FLRT3: variants seen among roughly 807,000 people sequenced by gnomAD.
FLRT3 encodes the protein fibronectin leucine rich transmembrane protein 3, also known as leucine-rich repeat transmembrane protein FLRT3.
A neutral mutation model predicts 42.6 loss-of-function variants in FLRT3; 17 were observed. The observed-to-expected ratio is 0.40, with a 90% CI of 0.27 to 0.60. The LOEUF (loss-of-function observed/expected upper bound fraction) is 0.60. Ranked by LOEUF, FLRT3 falls within the 20% of genes least tolerant of loss-of-function variation. The pLI, the probability that FLRT3 is intolerant of heterozygous loss-of-function variation, is 0.44. For missense variants in FLRT3, 635 were observed against 789.2 expected (o/e 0.80, Z 2.34); for synonymous variants, 279 against 286.4 (o/e 0.97, Z 0.26).
chr20:14,335,740 C>G (rs1319095522), intron 1 of FLRT3, among the ~76,000 whole-genome samples: 1 of 152,088 alleles, frequency 6.6e-6, no homozygotes, highest in Non-Finnish European at 1.5e-5. Flanking sequence ...TAATATTTTG[C>G]TGATCCTTGG....
chr20:14,330,350 A>G (rs2082813481), intron 1 of FLRT3, among the ~76,000 whole-genome samples: 1 of 152,164 alleles, frequency 6.6e-6, no homozygotes, highest in East Asian at 1.9e-4. Context: ...TACTTTGTAT[A>G]TATGTAGGGA....
Position 14,337,530 on chromosome 20 carries a change from G to T in FLRT3, c.-373C>A, listed in dbSNP as rs2082961009. ...GCGTCCAGTCCACACAAAGCCCACGGCAGCTGCAGGCTGAGCTTGTCCTGC... is the reference window on the plus strand; with the variant it reads ...GCGTCCAGTCCACACAAAGCCCACGTCAGCTGCAGGCTGAGCTTGTCCTGC... On this transcript the variant is annotated 5_prime_UTR_variant, in exon 1 of 3. Transcript: ENST00000341420. 7 of 398,538 alleles carry T rather than the reference G, an allele frequency of 1.8e-5. No homozygotes were observed. Among genetic ancestry groups the T allele is most frequent in the Middle Eastern group, 6.2e-4 (1 of 1,610 alleles). The allele number at this position is 398,538 out of a possible 1,614,324, so 24.7% of individuals were successfully genotyped here.
rs1395039576 is a variant in FLRT3 at position 14,326,445 on chromosome 20, A to G, written c.1062T>C (p.Asp354=). The G allele has an allele frequency of 1.2e-6, 2 of 1,613,868 alleles. No individual in the cohort carries two copies. The highest frequency in any genetic ancestry group is 1.7e-6 in the Non-Finnish European group (2 of 1,179,866). ...TGCTTACAATCCCACTGTCCTTACA[A>G]TCAAACAGTTCTGCATTGAGATCCT... ...AIKDLNAELF[D]CKDSGIVSTI... Residue 354 remains aspartate, a synonymous_variant, in exon 3 of 3, where the codon GAT becomes GAC. Transcript: ENST00000341420. This position sits in a 1 kb window ranked among gnomAD's most constrained non-coding sequence, Gnocchi z 5.5.
In FLRT3 at chr20:14,325,793, T is replaced by G. The variant is rs1601480236; in HGVS notation, c.1714A>C (p.Lys572Gln). ...GTGCCAGCTTCTGCATAGTCATCCT[T>G]TCTTCTCCTCCCTTTGCTATATGCA... ...NCAYSKGRRR[K>Q]DDYAEAGTKK... Residue 572 changes from lysine to glutamine, a missense_variant, in exon 3 of 3, where the codon AAG becomes CAG. Coordinates refer to ENST00000341420, the MANE Select transcript of FLRT3 (RefSeq NM_198391.3). The G allele has an allele frequency of 5.0e-6, 8 of 1,613,816 alleles. No individual in the cohort carries two copies. Among genetic ancestry groups the G allele is most frequent in the Non-Finnish European group, 6.8e-6 (8 of 1,179,870 alleles).
At chr20:14,336,579 C>G (rs1171537473) in intron 1 of FLRT3, among the ~76,000 whole-genome samples, 1 of 152,080 alleles carries the variant, frequency 6.6e-6, no homozygotes, top group Non-Finnish European at 1.5e-5. Flanking sequence ...TCTGCAAAAC[C>G]CACTTGATAA....
At chr20:14,337,360 A>C in intron 1 of FLRT3, 44 bp downstream of exon 1, 1 of 333,742 alleles carries the variant, frequency 3.0e-6, no homozygotes, top group Non-Finnish European at 5.4e-6. Flanking sequence ...AAACCAAGCA[A>C]ACTTTCTGGG....
chr20:14,325,049 A>G lies in FLRT3; in HGVS notation c.*508T>C, dbSNP rs2082711891. 6.6e-6 allele frequency: 1 copy of G among 152,622 alleles called. No individual in the cohort carries two copies. Among genetic ancestry groups the G allele is most frequent in the Non-Finnish European group, 1.5e-5 (1 of 68,068 alleles). The allele number at this position is 152,622 out of a possible 1,614,324, so 9.5% of individuals were successfully genotyped here. A position where few individuals can be genotyped will look rare whatever the true frequency, so the allele number is the denominator to read the frequency against. Reference sequence around the variant, plus strand: ...ACCACTGGGATAATACAAATTTAATAATTGGAACATTATTTCATAACCATT... The same window carrying G: ...ACCACTGGGATAATACAAATTTAATGATTGGAACATTATTTCATAACCATT... On this transcript the variant is annotated 3_prime_UTR_variant, in exon 3 of 3. Transcript: ENST00000341420.
chr20:14,336,376 C>A (rs1021782166), intron 1 of FLRT3, among the ~76,000 whole-genome samples: 10 of 151,618 alleles, frequency 6.6e-5, no homozygotes, highest in African/African-American at 2.2e-4. Context: ...TAAAAACAAA[C>A]CCCCCAGATG....
intron 1 of FLRT3, among the ~76,000 whole-genome samples, chr20:14,335,814 C>T (rs1054161227): frequency 1.3e-5 from 2 of 152,046 alleles, no homozygotes; most frequent in African/African-American, 2.4e-5. Flanking sequence ...TAAATCTATG[C>T]GTTTTTGTAA....
chr20:14,331,699 C>T (rs184996106), intron 1 of FLRT3, among the ~76,000 whole-genome samples: 1 of 152,164 alleles, frequency 6.6e-6, no homozygotes, highest in East Asian at 1.9e-4. Context: ...TAGTGCTAAA[C>T]AGATTTTTGG....
intron 2 of FLRT3, among the ~76,000 whole-genome samples, chr20:14,328,090 T>C (rs1478780322): frequency 6.6e-6 from 1 of 152,102 alleles, no homozygotes; most frequent in African/African-American, 2.4e-5. Context: ...CAGGAATAGT[T>C]ACACACATCT....
rs920063516 is a variant in FLRT3 at position 14,324,268 on chromosome 20, C to CA, written c.*1288dup. ...CATACAAGACTGGCCAAAGGGCGTA[C>CA]AATGCACTTTGGTTTTTTGTTGAAA... On this transcript the variant is annotated 3_prime_UTR_variant, in exon 3 of 3. Coordinates refer to ENST00000341420, the MANE Select transcript of FLRT3 (RefSeq NM_198391.3). 49 of 137,580 alleles carry CA rather than the reference C, an allele frequency of 3.6e-4. No individual in the cohort carries two copies. The highest frequency in any genetic ancestry group is 1.1e-3 in the African/African-American group (42 of 36,608). 8.5% of individuals were successfully genotyped at this position (137,580 alleles called of 1,614,324 possible).
intron 1 of FLRT3, among the ~76,000 whole-genome samples, chr20:14,331,908 A>ACTT (rs1277497562): frequency 1.3e-5 from 2 of 152,128 alleles, no homozygotes; most frequent in Non-Finnish European, 2.9e-5. Context: ...CATAACACTG[A>ACTT]CTTCAGAGCC....
chr20:14,333,598 C>T (rs1421364253), intron 1 of FLRT3, among the ~76,000 whole-genome samples: 7 of 152,108 alleles, frequency 4.6e-5, no homozygotes, highest in East Asian at 1.9e-4. Context: ...TGTTAAACCA[C>T]GTTTTACCAT....
intron 1 of FLRT3, among the ~76,000 whole-genome samples, chr20:14,330,717 A>G (rs1227648277): frequency 6.6e-6 from 1 of 152,138 alleles, no homozygotes; most frequent in Admixed American, 6.6e-5. Flanking sequence ...AAGTGCCCAC[A>G]GAGGAAAGTT....
intron 1 of FLRT3, among the ~76,000 whole-genome samples, chr20:14,336,415 C>T (rs1259547488): frequency 6.6e-6 from 1 of 152,064 alleles, no homozygotes; most frequent in Non-Finnish European, 1.5e-5. Context: ...GCCTGTTGCA[C>T]TCTTTACCTA....
chr20:14,328,736 A>T (rs921510064), intron 2 of FLRT3, among the ~76,000 whole-genome samples: 3 of 152,056 alleles, frequency 2.0e-5, no homozygotes, highest in African/African-American at 7.2e-5. Flanking sequence ...ACACCTCCAG[A>T]TCAGGCTTGC....
intron 2 of FLRT3, among the ~76,000 whole-genome samples, chr20:14,328,263 T>A (rs530133798): frequency 6.6e-6 from 1 of 152,142 alleles, no homozygotes; most frequent in Non-Finnish European, 1.5e-5. Flanking sequence ...AGCTAATACA[T>A]CCAGCTAACC....
Position 14,326,573 on chromosome 20 carries a change from T to G in FLRT3, c.934A>C (p.Lys312Gln). ...LRNNPWYCGC[K>Q]MKWVRDWLQS... Reference sequence around the variant, plus strand: ...AACCAGTCACGTACCCATTTCATCTTGCACCCGCAATACCAGGGATTGTTG... The same window carrying G: ...AACCAGTCACGTACCCATTTCATCTGGCACCCGCAATACCAGGGATTGTTG... Residue 312 changes from lysine to glutamine, a missense_variant, in exon 3 of 3, where the codon AAG becomes CAG. Coordinates refer to ENST00000341420, the MANE Select transcript of FLRT3 (RefSeq NM_198391.3). The surrounding 1 kb of genome is among the most constrained non-coding windows in gnomAD (Gnocchi z 5.5). 1 of 1,613,904 alleles carries G rather than the reference T, an allele frequency of 6.2e-7. No individual in the cohort carries two copies. Among genetic ancestry groups the G allele is most frequent in the Non-Finnish European group, 8.5e-7 (1 of 1,179,840 alleles).
Sources: gnomAD v4.1 joint callset for allele counts (sites outside exome capture counted in the v4.1 genomes callset) on GRCh38, gnomAD v4.1.1 for gene constraint, Gnocchi (gnomAD v3.1) non-coding constraint, MANE v1.5 for transcripts, NCBI Gene and HGNC (gene_info 2026-07-23, HGNC 2026-07-21) for gene names.